Variants in SHC3 observed in about 807,000 individuals in gnomAD.
SHC3 encodes SHC adaptor protein 3.
In SHC3, 15 loss-of-function variants were observed where a neutral mutation model predicts 60.4. The ratio of observed to expected loss-of-function variants is 0.25; its 90% confidence interval spans 0.17 to 0.38. SHC3 has a LOEUF of 0.38. SHC3 is among the 10% of genes least tolerant of loss of function. The pLI is 1.00. For missense variants in SHC3, 677 were observed against 786.1 expected (o/e 0.86, Z 1.66); for synonymous variants, 294 against 325.9 (o/e 0.90, Z 1.05).
At chr9:89,097,044 G>C (rs754786247) in intron 2 of SHC3, among the ~76,000 whole-genome samples, 1 of 146,376 alleles carries the variant, frequency 6.8e-6, no homozygotes, top group Non-Finnish European at 1.5e-5. Flanking sequence ...TCTCAGCAGC[G>C]AGGAGGCCAC....
At position 89,071,211 on chromosome 9, in the gene SHC3, A is replaced by G. The variant is rs777465317; in HGVS notation, c.771T>C (p.Ser257=). 5.6e-6 allele frequency: 9 copies of G among 1,614,186 alleles called. No homozygotes were observed. The highest frequency in any genetic ancestry group is 7.6e-6 in the Non-Finnish European group (9 of 1,180,016). ...NHHMRSISFA[S]GGDPDTTDYV... ...CAAGGGTACTTACCGGGTCTCCCCC[A>G]GAGGCGAAGGAGATGGACCGCATGT... The change falls in exon 5 of 12, where the codon TCT becomes TCC. Residue 257 remains serine, a synonymous_variant. Coordinates refer to ENST00000375835, the MANE Select transcript of SHC3 (RefSeq NM_016848.6).
chr9:89,099,393 T>C (rs1021837345), intron 2 of SHC3, among the ~76,000 whole-genome samples: 1 of 152,232 alleles, frequency 6.6e-6, no homozygotes, highest in African/African-American at 2.4e-5. Flanking sequence ...AACCCTTTGA[T>C]TCAGAATTGT....
rs116458909 is a variant in SHC3, at chr9:89,024,340, C to T, written c.1657-10765G>A. Among the ~76,000 whole-genome samples, 239 of 152,102 alleles carry T rather than the reference C, an allele frequency of 1.6e-3. 1 individual carries two copies. Among genetic ancestry groups the T allele is most frequent in the African/African-American group, 5.4e-3 (222 of 41,384 alleles). ...TCACCCAGGCTGGAGTGCAATGGTA[C>T]GATCATAGTTCACTACAGCCTCAAA... On this transcript the variant is annotated intron_variant, in intron 11 of 11. Coordinates refer to ENST00000375835, the MANE Select transcript of SHC3 (RefSeq NM_016848.6).
intron 6 of SHC3, among the ~76,000 whole-genome samples, chr9:89,057,315 CTTTTT>C (rs10606274): frequency 1.5e-5 from 2 of 133,722 alleles, no homozygotes; most frequent in African/African-American, 2.7e-5. Context: ...TTTCCTTTTT[CTTTTT>C]TTTTTTTTTT....
intron 5 of SHC3, among the ~76,000 whole-genome samples, chr9:89,069,038 G>T: frequency 6.6e-6 from 1 of 152,352 alleles, no homozygotes; most frequent in Non-Finnish European, 1.5e-5. Flanking sequence ...GCCAGGTGCA[G>T]TGGCTCATGC....
chr9:89,088,686 A>C (rs1208009108), intron 2 of SHC3: 1 of 152,450 alleles, frequency 6.6e-6, no homozygotes, highest in African/African-American at 2.4e-5. Flanking sequence ...AAGAGGAAGG[A>C]GGAACAACGA....
At chr9:89,065,637 T>G (rs1210590884) in intron 5 of SHC3, 57 bp from the exon 6 acceptor site, 10 of 1,562,440 alleles carry the variant, frequency 6.4e-6, no homozygotes, top group Non-Finnish European at 8.8e-6. Flanking sequence ...GACCACACAG[T>G]CAGGGACACA....
chr9:89,084,860 A>C (rs1360959701), intron 2 of SHC3, among the ~76,000 whole-genome samples: 1 of 152,188 alleles, frequency 6.6e-6, no homozygotes, highest in African/African-American at 2.4e-5. Context: ...TGAGCCATCA[A>C]GAAGCTGGAC....
chr9:89,140,856 T>C (rs1224741328), intron 1 of SHC3, among the ~76,000 whole-genome samples: 1 of 152,128 alleles, frequency 6.6e-6, no homozygotes, highest in Non-Finnish European at 1.5e-5. Context: ...AGAAAAACAG[T>C]TCAGTCGACT....
At chr9:89,148,081 T>A (rs1240433019) in intron 1 of SHC3, among the ~76,000 whole-genome samples, 1 of 152,256 alleles carries the variant, frequency 6.6e-6, no homozygotes, top group African/African-American at 2.4e-5. Flanking sequence ...AGTACTTCAT[T>A]TGATAATGCA....
intron 2 of SHC3, among the ~76,000 whole-genome samples, chr9:89,082,775 C>T (rs1314682724): frequency 6.6e-6 from 1 of 152,186 alleles, no homozygotes; most frequent in Admixed American, 6.5e-5. Flanking sequence ...CCATTTTAAC[C>T]TGCGGTTGCC....
rs985626050 is a variant in SHC3, at chr9:89,133,860, T to C, written c.475-21234A>G. 2.0e-5 allele frequency among the ~76,000 whole-genome samples: 3 copies of C among 152,128 alleles called. 1 individual carries two copies. Among genetic ancestry groups the C allele is most frequent in the Non-Finnish European group, 4.4e-5 (3 of 68,016 alleles). On this transcript the variant is annotated intron_variant, in intron 1 of 11. Transcript: ENST00000375835. ...CACCAACATGGCACATGTATACATATGTAACAAACCTGCATGTTATGCACA... is the reference window on the plus strand; with the variant it reads ...CACCAACATGGCACATGTATACATACGTAACAAACCTGCATGTTATGCACA...
chr9:89,174,553 G>T (rs1826915573), intron 1 of SHC3, among the ~76,000 whole-genome samples: 1 of 152,162 alleles, frequency 6.6e-6, no homozygotes, highest in Non-Finnish European at 1.5e-5. Flanking sequence ...CTGAGCAGTG[G>T]GCACCTAAAA....
In SHC3 at chr9:89,103,666, T is replaced by G. The variant is rs776303292; in HGVS notation, c.545+8890A>C. Among the ~76,000 whole-genome samples, 5 of 152,360 alleles carry G rather than the reference T, an allele frequency of 3.3e-5. No homozygotes were observed. In the South Asian group the frequency reaches 1.0e-3, roughly 32 times the overall value. ...ATGAGAATATCAGTATTTGTCAACA[T>G]GTTTGAGCTCTTGCATTTCCTAGGC... On this transcript the variant is annotated intron_variant, in intron 2 of 11. Coordinates refer to ENST00000375835, the MANE Select transcript of SHC3 (RefSeq NM_016848.6).
chr9:89,117,960 C>T (rs1309107285), intron 1 of SHC3, among the ~76,000 whole-genome samples: 1 of 152,008 alleles, frequency 6.6e-6, no homozygotes, highest in African/African-American at 2.4e-5. Flanking sequence ...ATATTAAATA[C>T]CTATTTCTGT....
chr9:89,036,625 C>T (rs1824583226), intron 11 of SHC3, among the ~76,000 whole-genome samples: 1 of 152,148 alleles, frequency 6.6e-6, no homozygotes, highest in South Asian at 2.1e-4. Flanking sequence ...CAGCCCACCA[C>T]AGTAATGATC....
intron 2 of SHC3, among the ~76,000 whole-genome samples, chr9:89,093,441 CAAG>C (rs1825654942): frequency 6.6e-6 from 1 of 151,192 alleles, no homozygotes; most frequent in Non-Finnish European, 1.5e-5. Flanking sequence ...AATCAAGAAT[CAAG>C]AATTTGGTTA....
At chr9:89,130,164 A>G (rs1278160105) in intron 1 of SHC3, among the ~76,000 whole-genome samples, 1 of 152,244 alleles carries the variant, frequency 6.6e-6, no homozygotes, top group African/African-American at 2.4e-5. Flanking sequence ...CAAAAGAGAC[A>G]AAGAAGGCCA....
intron 5 of SHC3, among the ~76,000 whole-genome samples, chr9:89,069,435 G>GA (rs1172506640): frequency 1.3e-5 from 2 of 151,886 alleles, no homozygotes; most frequent in African/African-American, 2.4e-5. Flanking sequence ...GGGAAGGGAA[G>GA]AAAAAAAAGA....
Sources: gnomAD v4.1 joint callset for allele counts (sites outside exome capture counted in the v4.1 genomes callset) on GRCh38, gnomAD v4.1.1 for gene constraint, MANE v1.5 for transcripts, NCBI Gene and HGNC (gene_info 2026-07-23, HGNC 2026-07-21) for gene names.